The following TTC29 variants were observed in gnomAD, a reference collection of about 807,000 sequenced individuals.
TTC29 encodes the protein tetratricopeptide repeat domain 29, also known as tetratricopeptide repeat protein 29.
In TTC29, 49 loss-of-function variants were observed where a neutral mutation model predicts 58.1. The observed-to-expected ratio is 0.84, with a 90% CI of 0.67 to 1.07. TTC29 has a LOEUF of 1.07. TTC29 is among the 50% of genes least tolerant of loss of function. The pLI is 0.00. For missense variants in TTC29, 582 were observed against 555.6 expected, an observed-to-expected ratio of 1.05 and a Z score of -0.48; for synonymous variants, 209 against 196.8, an observed-to-expected ratio of 1.06 and a Z score of -0.52.
intron 8 of TTC29, among the ~76,000 whole-genome samples, chr4:146,836,568 C>T (rs1055333973): frequency 2.0e-5 from 3 of 151,816 alleles, no homozygotes; most frequent in Non-Finnish European, 4.4e-5. Flanking sequence ...GGAGGGTCTT[C>T]ATTAAAATAA....
chr4:146,805,289 C>T (rs1750521786), intron 10 of TTC29, among the ~76,000 whole-genome samples: 1 of 152,044 alleles, frequency 6.6e-6, no homozygotes, highest in African/African-American at 2.4e-5. Context: ...AAAAACCACA[C>T]AAAAAGGCTG....
rs771978293 is a variant in TTC29, at chr4:146,939,806, T to C, written c.90A>G (p.Pro30=). 2 of 1,611,282 alleles carry C rather than the reference T, an allele frequency of 1.2e-6. No individual in the cohort carries two copies. Among genetic ancestry groups the C allele is most frequent in the Non-Finnish European group, 1.7e-6 (2 of 1,179,038 alleles). Residue 30 remains proline (P), a splice_region_variant and synonymous_variant, in exon 3 of 13, where the codon CCA becomes CCG. Transcript: ENST00000325106. ...AAGTAAAAACCAGGGGCACGTACCT[T>C]GGAATTTTTCTGGAGGAGCAAGGCA... is the stretch of plus-strand genomic sequence containing the variant. ...QKLPCSSRKI[P]RSQLIKEKDD... is the part of the protein sequence containing the mutation.
At chr4:146,892,516 T>C (rs1023983634) in intron 6 of TTC29, among the ~76,000 whole-genome samples, 35 of 152,238 alleles carry the variant, frequency 2.3e-4, no homozygotes, top group Non-Finnish European at 4.6e-4. Flanking sequence ...ATAAATTAGG[T>C]ATTGATGGGA....
At chr4:146,880,998 G>A (rs1316013263) in intron 6 of TTC29, among the ~76,000 whole-genome samples, 5 of 152,024 alleles carry the variant, frequency 3.3e-5, no homozygotes, top group Admixed American at 3.3e-4. Flanking sequence ...TAAGAAAACA[G>A]CATACAAATC....
intron 7 of TTC29, among the ~76,000 whole-genome samples, chr4:146,873,266 A>G (rs538602600): frequency 6.6e-6 from 1 of 152,278 alleles, no homozygotes; most frequent in East Asian, 1.9e-4. Context: ...TTGTCCCAGA[A>G]TATTTACCCT....
intron 6 of TTC29, among the ~76,000 whole-genome samples, chr4:146,897,891 T>A (rs1007274399): frequency 1.3e-5 from 2 of 152,074 alleles, no homozygotes; most frequent in South Asian, 4.2e-4. Context: ...AGTAGCAGAG[T>A]TGTTGTCAGC....
At chr4:146,858,595 G>A (rs775035509) in intron 8 of TTC29, among the ~76,000 whole-genome samples, 2 of 152,112 alleles carry the variant, frequency 1.3e-5, no homozygotes, top group Non-Finnish European at 2.9e-5. Context: ...TGATTTCATA[G>A]ATGTATGATC....
rs143010338 is a variant in TTC29, at chr4:146,727,387, C to T, written c.1331-19836G>A. Among the ~76,000 whole-genome samples, 543 of 152,234 alleles carry T rather than the reference C, an allele frequency of 3.6e-3. 5 individuals carry two copies. The highest frequency in any genetic ancestry group is 0.016 in the Admixed American group (244 of 15,266). On this transcript the variant is annotated intron_variant, in intron 11 of 12. Transcript: ENST00000325106. ...AAAGTCCGTAATTTACATTAGGGTT[C>T]ACTTTTGGTGTTACACATTCTTTGG...
intron 11 of TTC29, among the ~76,000 whole-genome samples, chr4:146,780,637 C>T (rs1260459364): frequency 6.6e-6 from 1 of 151,750 alleles, no homozygotes; most frequent in East Asian, 1.9e-4. Context: ...CTAGATTTGC[C>T]TTATCTCCAG....
intron 11 of TTC29, among the ~76,000 whole-genome samples, chr4:146,747,802 C>T (rs1450340711): frequency 2.0e-5 from 3 of 152,212 alleles, no homozygotes; most frequent in South Asian, 2.1e-4. Context: ...TGCCTCACAT[C>T]CCAGGAAATA....
intron 6 of TTC29, among the ~76,000 whole-genome samples, chr4:146,890,206 G>A (rs1732259850): frequency 6.6e-6 from 1 of 152,144 alleles, no homozygotes; most frequent in Admixed American, 6.5e-5. Flanking sequence ...CGTCAGGAGG[G>A]TTTATTCCTT....
At chr4:146,911,455 G>A (rs528304409) in intron 4 of TTC29, among the ~76,000 whole-genome samples, 191 of 152,256 alleles carry the variant, frequency 1.3e-3, no homozygotes, top group African/African-American at 4.2e-3. Flanking sequence ...GAACAAAGAC[G>A]GATCAAGTAC....
At chr4:146,750,160 AC>A (rs939187528) in intron 11 of TTC29, among the ~76,000 whole-genome samples, 3 of 151,970 alleles carry the variant, frequency 2.0e-5, no homozygotes, top group Admixed American at 6.6e-5. Flanking sequence ...GGCGCCTGCC[AC>A]CAGGCTTGGC....
chr4:146,723,272 C>T (rs1254406606), intron 11 of TTC29, among the ~76,000 whole-genome samples: 2 of 151,824 alleles, frequency 1.3e-5, no homozygotes, highest in East Asian at 1.9e-4. Context: ...AATGTAAGAC[C>T]TCAAACAATA....
intron 11 of TTC29, among the ~76,000 whole-genome samples, chr4:146,717,948 G>T (rs1320968102): frequency 6.6e-6 from 1 of 152,066 alleles, no homozygotes; most frequent in Admixed American, 6.6e-5. Flanking sequence ...CTTTGAGTTA[G>T]ATTATTTTAG....
Position 146,787,266 on chromosome 4 carries a change from G to C in TTC29, c.1330+16191C>G, listed in dbSNP as rs192441677. 4.8e-3 allele frequency among the ~76,000 whole-genome samples: 737 copies of C among 152,242 alleles called. 10 individuals carry two copies. Among genetic ancestry groups the C allele is most frequent in the Middle Eastern group, 6.8e-3 (2 of 294 alleles). ...TCCAGTAGTTTATTTGGGTTGTTAA[G>C]AGAAATTATCATAGGTGGGACAAAT... On this transcript the variant is annotated intron_variant, in intron 11 of 12. Transcript: ENST00000325106.
At chr4:146,823,041 C>A (rs991871854) in intron 9 of TTC29, among the ~76,000 whole-genome samples, 42 of 152,212 alleles carry the variant, frequency 2.8e-4, no homozygotes, top group African/African-American at 8.7e-4. Flanking sequence ...AGTGTTCTCC[C>A]ATTCTGTAGG....
chr4:146,763,555 T>C (rs1747068126), intron 11 of TTC29, among the ~76,000 whole-genome samples: 1 of 152,122 alleles, frequency 6.6e-6, no homozygotes, highest in Non-Finnish European at 1.5e-5. Context: ...TTAAGGGTGA[T>C]GAGCAATTGA....
chr4:146,807,534 G>A (rs997840484), intron 10 of TTC29, among the ~76,000 whole-genome samples: 3 of 151,952 alleles, frequency 2.0e-5, no homozygotes, highest in Non-Finnish European at 4.4e-5. Flanking sequence ...TCAAATAGAT[G>A]CAACAAAAAA....
Sources: allele counts gnomAD v4.1 joint callset (sites outside exome capture counted in the v4.1 genomes callset), GRCh38; gene constraint gnomAD v4.1.1; transcripts MANE v1.5; gene names NCBI Gene and HGNC (gene_info 2026-07-23, HGNC 2026-07-21).